Variants in CRACR2A observed in about 807,000 individuals in gnomAD.
The protein encoded by CRACR2A is calcium release activated channel regulator 2A, also known as EF-hand calcium-binding domain-containing protein 4B.
Under a neutral mutation model 90.5 loss-of-function variants are expected in CRACR2A, and 79 were observed. The observed-to-expected ratio is 0.87, with a 90% CI of 0.73 to 1.05. The LOEUF is 1.05. CRACR2A is among the 50% of genes least tolerant of loss of function. The pLI, the probability that CRACR2A is intolerant of heterozygous loss-of-function variation, is 0.00. For synonymous variants in CRACR2A, 338 were observed against 356.7 expected, an observed-to-expected ratio of 0.95 and a Z score of 0.59; for missense variants, 823 against 897.2, an observed-to-expected ratio of 0.92 and a Z score of 1.06.
chr12:3,616,626 C>T (rs1286829567), intron 19 of CRACR2A, among the ~76,000 whole-genome samples: 2 of 152,208 alleles, frequency 1.3e-5, no homozygotes, highest in African/African-American at 4.8e-5. Context: ...GCTGAGGGGC[C>T]TCTGATCTGG....
intron 4 of CRACR2A, among the ~76,000 whole-genome samples, chr12:3,684,052 T>C (rs1406242609): frequency 2.0e-5 from 3 of 152,282 alleles, no homozygotes; most frequent in African/African-American, 7.2e-5. Context: ...CTCCTTTACC[T>C]TCCTAGTCAC....
At chr12:3,656,895 C>T (rs1424523349) in intron 8 of CRACR2A, among the ~76,000 whole-genome samples, 2 of 152,212 alleles carry the variant, frequency 1.3e-5, no homozygotes, top group Admixed American at 1.3e-4. Context: ...AACACAGGGC[C>T]ATTTCCTCTT....
At chr12:3,639,022 T>C (rs1305765962) in intron 13 of CRACR2A, among the ~76,000 whole-genome samples, 2 of 152,088 alleles carry the variant, frequency 1.3e-5, no homozygotes, top group African/African-American at 4.8e-5. Context: ...CCCAAATAAG[T>C]CAATGCATAA....
At chr12:3,715,813 T>C (rs757559877) in intron 2 of CRACR2A, among the ~76,000 whole-genome samples, 5 of 152,212 alleles carry the variant, frequency 3.3e-5, no homozygotes, top group Non-Finnish European at 7.3e-5. Flanking sequence ...CCTAAAGAAA[T>C]GAGGGTCCTG....
intron 17 of CRACR2A, 99 bp from the exon 18 acceptor site, chr12:3,619,471 A>G: frequency 1.1e-6 from 1 of 890,972 alleles, no homozygotes; most frequent in Non-Finnish European, 1.8e-6. Context: ...CTCGCTTGAG[A>G]ATCCCCTGCT....
intron 17 of CRACR2A, among the ~76,000 whole-genome samples, chr12:3,625,439 C>T (rs1944238396): frequency 1.3e-5 from 2 of 151,528 alleles, no homozygotes; most frequent in South Asian, 2.1e-4. Flanking sequence ...CAGCAGAGAG[C>T]GTAGTTCCCC....
intron 13 of CRACR2A, among the ~76,000 whole-genome samples, chr12:3,640,005 C>T (rs578165464): frequency 6.6e-6 from 1 of 152,318 alleles, no homozygotes; most frequent in South Asian, 2.1e-4. Context: ...TACACACACA[C>T]AGAGCATGTT....
At chr12:3,663,488 T>A (rs1478646274) in intron 7 of CRACR2A, among the ~76,000 whole-genome samples, 1 of 152,228 alleles carries the variant, frequency 6.6e-6, no homozygotes, top group African/African-American at 2.4e-5. Context: ...TTCTTCTGCA[T>A]AAAAGCCTTT....
At chr12:3,743,900 G>C (rs1227087541) in intron 1 of CRACR2A, among the ~76,000 whole-genome samples, 1 of 152,232 alleles carries the variant, frequency 6.6e-6, no homozygotes, top group Non-Finnish European at 1.5e-5. Context: ...TAGGAAATGT[G>C]CCAGAGGACA....
intron 2 of CRACR2A, among the ~76,000 whole-genome samples, chr12:3,715,144 C>A (rs577632856): frequency 6.6e-6 from 1 of 152,314 alleles, no homozygotes; most frequent in South Asian, 2.1e-4. Flanking sequence ...GCACTGGGTG[C>A]ATGGGATATG....
At chr12:3,625,243 C>T (rs923669734) in intron 17 of CRACR2A, among the ~76,000 whole-genome samples, 4 of 152,120 alleles carry the variant, frequency 2.6e-5, no homozygotes, top group Non-Finnish European at 4.4e-5. Flanking sequence ...AGCAGCCACA[C>T]GCCGCTGATG....
chr12:3,673,389 G>T, intron 7 of CRACR2A, 57 bp downstream of exon 7: 1 of 1,563,180 alleles, frequency 6.4e-7, no homozygotes, highest in Non-Finnish European at 8.6e-7. Context: ...AAAGTGCACC[G>T]TGTGTCTCTC....
chr12:3,638,194 T>C lies in CRACR2A; in HGVS notation c.1532A>G (p.Glu511Gly), dbSNP rs374954232. 1.3e-6 allele frequency: 2 copies of C among 1,551,244 alleles called. No homozygotes were observed. The highest frequency in any genetic ancestry group is 8.7e-7 in the Non-Finnish European group (1 of 1,146,746). The change falls in exon 14 of 20, where the codon GAG becomes GGG. Residue 511 changes from glutamate (E) to glycine (G), a missense_variant. Glu to Gly is a moderately conservative substitution (Grantham distance 98). Transcript: ENST00000440314. ...SDQGVQGQIP[E>G]APPLKLTPTS... ...GGGGGTGAGTTTCAAGGGTGGGGCC[T>C]CCGGGATTTGTCCCTGTACCCCCTG...
Position 3,678,910 on chromosome 12 carries a change from C to A in CRACR2A, c.524+5G>T. ...TCCGTTCTACAAATCACTGTCACCA[C>A]TTACTCTTCCAACACCTTTTGGGCT... On this transcript the variant is annotated splice_donor_5th_base_variant and intron_variant, in intron 6 of 19. Transcript: ENST00000440314. 1 of 1,599,496 alleles carries A rather than the reference C, an allele frequency of 6.3e-7. No individual in the cohort carries two copies. Among genetic ancestry groups the A allele is most frequent in the African/African-American group, 1.3e-5 (1 of 74,696 alleles).
intron 7 of CRACR2A, among the ~76,000 whole-genome samples, chr12:3,668,895 G>A (rs1416120276): frequency 6.6e-6 from 1 of 152,216 alleles, no homozygotes; most frequent in South Asian, 2.1e-4. Flanking sequence ...AGGGAACACT[G>A]TGCAGATAAG....
At chr12:3,643,872 A>ATATTATATATAT in intron 12 of CRACR2A, among the ~76,000 whole-genome samples, 1 of 70,594 alleles carries the variant, frequency 1.4e-5, no homozygotes, top group South Asian at 3.8e-4. Flanking sequence ...TATATATATT[A>ATATTATATATAT]TATATATTTA....
chr12:3,684,045 C>T (rs1291293947), intron 4 of CRACR2A, among the ~76,000 whole-genome samples: 2 of 152,194 alleles, frequency 1.3e-5, no homozygotes, highest in African/African-American at 4.8e-5. Context: ...AGCCAGGCTC[C>T]TTTACCTTCC....
chr12:3,629,436 G>A (rs1944338411), intron 15 of CRACR2A, among the ~76,000 whole-genome samples: 1 of 152,248 alleles, frequency 6.6e-6, no homozygotes, highest in Admixed American at 6.5e-5. Context: ...GTCCCGGTCT[G>A]TGCTCTGGGA....
At chr12:3,629,755 A>C (rs1437303737) in intron 15 of CRACR2A, among the ~76,000 whole-genome samples, 1 of 149,052 alleles carries the variant, frequency 6.7e-6, no homozygotes, top group Non-Finnish European at 1.5e-5. Context: ...TGGACACGCG[A>C]CGTGTTTCTC....
Sources: allele counts gnomAD v4.1 joint callset (sites outside exome capture counted in the v4.1 genomes callset), GRCh38; gene constraint gnomAD v4.1.1; transcripts MANE v1.5; gene names NCBI Gene and HGNC (gene_info 2026-07-23, HGNC 2026-07-21).